Variants in TULP4 observed in about 807,000 individuals in gnomAD.
TULP4 encodes TUB like protein 4, also known as tubby-related protein 4.
Under a neutral mutation model 129.0 loss-of-function variants are expected in TULP4, and 16 were observed. The observed-to-expected ratio is 0.12, with a 90% confidence interval of 0.08 to 0.19. TULP4 has a LOEUF of 0.19. Ranked by LOEUF, TULP4 falls within the 10% of genes least tolerant of loss-of-function variation. The probability of loss-of-function intolerance (pLI) is 1.00; values close to 1 mark genes in which losing one functional copy is unlikely to be tolerated. For synonymous variants in TULP4, 998 were observed against 854.0 expected (o/e 1.17, Z -2.94); for missense variants, 1,842 against 2,059.1 (o/e 0.89, Z 2.04).
chr6:158,358,269 C>T (rs955162343), intron 1 of TULP4, among the ~76,000 whole-genome samples: 3 of 152,178 alleles, frequency 2.0e-5, no homozygotes, highest in Non-Finnish European at 4.4e-5. Context: ...AATGAAACAG[C>T]TCTGTGAACT....
rs567829012 is a variant in TULP4, at chr6:158,402,256, C to G, written c.253-10809C>G. Among the ~76,000 whole-genome samples, 20 of 152,296 alleles carry G rather than the reference C, an allele frequency of 1.3e-4. 1 individual carries two copies. In the South Asian group the frequency reaches 4.1e-3, roughly 32 times the overall value. ...CCCACACCCTACTCCCACCCCTTCC[C>G]CACCCCTCAGTTACCCTTCAGCTTT... On this transcript the variant is annotated intron_variant, in intron 1 of 13. Transcript: ENST00000367097.
intron 13 of TULP4, among the ~76,000 whole-genome samples, chr6:158,504,909 C>T (rs1780563827): frequency 6.6e-6 from 1 of 152,240 alleles, no homozygotes; most frequent in Non-Finnish European, 1.5e-5. Context: ...CCTATGCACA[C>T]ACACACATGT....
intron 1 of TULP4, among the ~76,000 whole-genome samples, chr6:158,287,240 T>TG (rs1778848875): frequency 6.6e-6 from 1 of 152,210 alleles, no homozygotes; most frequent in African/African-American, 2.4e-5. Flanking sequence ...AGCATTTGCG[T>TG]GGCCAGACAT....
intron 2 of TULP4, among the ~76,000 whole-genome samples, chr6:158,423,510 T>C (rs529850919): frequency 6.6e-6 from 1 of 152,370 alleles, no homozygotes; most frequent in African/African-American, 2.4e-5. Flanking sequence ...TTGATCATTA[T>C]ACTATGTATT....
chr6:158,282,423 T>A (rs950283359), intron 1 of TULP4: 10 of 152,120 alleles, frequency 6.6e-5, no homozygotes, highest in African/African-American at 2.4e-4. Context: ...AAGAACTAGA[T>A]GATATAAATC....
chr6:158,379,807 C>A (rs1006956399), intron 1 of TULP4, among the ~76,000 whole-genome samples: 2 of 152,142 alleles, frequency 1.3e-5, no homozygotes, highest in Non-Finnish European at 2.9e-5. Flanking sequence ...CTGCTTTGAA[C>A]TTGTGAAGTT....
chr6:158,413,054 T>G lies in TULP4; in HGVS notation c.253-11T>G. 2 of 1,603,688 alleles carry G rather than the reference T, an allele frequency of 1.2e-6. No homozygotes were observed. Among genetic ancestry groups the G allele is most frequent in the Non-Finnish European group, 1.7e-6 (2 of 1,174,294 alleles). ...TTTCCTGTGGTAAATGTCTTCTTGGTGGTTTTCTAGGTTGTGCTGGTGAGG... is the reference window on the plus strand; with the variant it reads ...TTTCCTGTGGTAAATGTCTTCTTGGGGGTTTTCTAGGTTGTGCTGGTGAGG... On this transcript the variant is annotated splice_polypyrimidine_tract_variant and intron_variant, in intron 1 of 13. Transcript: ENST00000367097. This position sits in a 1 kb window ranked among gnomAD's most constrained non-coding sequence, Gnocchi z 4.9.
chr6:158,316,530 G>A (rs1438974356), intron 1 of TULP4, among the ~76,000 whole-genome samples: 1 of 152,034 alleles, frequency 6.6e-6, no homozygotes, highest in African/African-American at 2.4e-5. Context: ...AATATATTGG[G>A]CATATACATA....
At chr6:158,426,844 A>G (rs1473480903) in intron 2 of TULP4, among the ~76,000 whole-genome samples, 7 of 152,254 alleles carry the variant, frequency 4.6e-5, no homozygotes, top group South Asian at 2.1e-4. Context: ...GATTCTTCCT[A>G]TCCGTGAGCA....
chr6:158,265,931 C>T (rs553973289), intron 1 of TULP4, among the ~76,000 whole-genome samples: 3 of 152,236 alleles, frequency 2.0e-5, no homozygotes, highest in Admixed American at 6.5e-5. Context: ...GAGGGAGCTT[C>T]GTGGTTATAG....
chr6:158,294,382 A>AT (rs1778994924), intron 1 of TULP4, among the ~76,000 whole-genome samples: 1 of 151,630 alleles, frequency 6.6e-6, no homozygotes, highest in Non-Finnish European at 1.5e-5. Flanking sequence ...AATAAAAAAA[A>AT]AAATAAATAA....
chr6:158,363,658 G>T (rs1477589345), intron 1 of TULP4, among the ~76,000 whole-genome samples: 2 of 152,006 alleles, frequency 1.3e-5, no homozygotes, highest in African/African-American at 4.8e-5. Context: ...TATTTTTTTT[G>T]TATTTTTAGT....
chr6:158,502,260 A>G lies in TULP4; in HGVS notation c.2597A>G (p.Lys866Arg). ...CAGCCCCCAGTGGATGTGTGCTTGAAGAAGGGCGACTTCTCCCTCTACCCC... is the reference window on the plus strand; with the variant it reads ...CAGCCCCCAGTGGATGTGTGCTTGAGGAAGGGCGACTTCTCCCTCTACCCC... ...PPQPPVDVCLKKGDFSLYPTS... is the reference protein window; with the variant it reads ...PPQPPVDVCLRKGDFSLYPTS... The change falls in exon 13 of 14, where the codon AAG (lysine) becomes AGG (arginine). Residue 866 changes from lysine (K) to arginine (R), a missense_variant. Lys to Arg is a conservative substitution (Grantham distance 26, BLOSUM62 2). Around this residue, in one of 5 missense-constraint regions of TULP4, gnomAD observed 1,089 missense variants for 987.1 expected, o/e 1.10. Coordinates refer to ENST00000367097, the MANE Select transcript of TULP4 (RefSeq NM_020245.5). 1 of 1,599,806 alleles carries G rather than the reference A, an allele frequency of 6.3e-7. No homozygotes were observed. The highest frequency in any genetic ancestry group is 8.5e-7 in the Non-Finnish European group (1 of 1,172,184).
At chr6:158,298,042 A>G (rs978372771) in intron 1 of TULP4, among the ~76,000 whole-genome samples, 1 of 152,150 alleles carries the variant, frequency 6.6e-6, no homozygotes, top group African/African-American at 2.4e-5. Flanking sequence ...CCTTGCTAGG[A>G]AAATAATTTA....
intron 3 of TULP4, among the ~76,000 whole-genome samples, chr6:158,440,901 G>GT (rs1778880794): frequency 1.3e-5 from 2 of 152,234 alleles, no homozygotes; most frequent in South Asian, 4.1e-4. Context: ...TGACATGACA[G>GT]TTAAGATGTC....
Position 158,502,223 on chromosome 6 carries a change from C to G in TULP4, c.2560C>G (p.Leu854Val). The G allele has an allele frequency of 6.5e-7, 1 of 1,545,182 alleles. No homozygotes were observed. Among genetic ancestry groups the G allele is most frequent in the Non-Finnish European group, 8.8e-7 (1 of 1,135,478 alleles). The change falls in exon 13 of 14, where the codon CTG becomes GTG. Residue 854 changes from leucine to valine, a missense_variant. Around this residue, in one of 5 missense-constraint regions of TULP4, gnomAD observed 1,089 missense variants for 987.1 expected, o/e 1.10. Coordinates refer to ENST00000367097, the MANE Select transcript of TULP4 (RefSeq NM_020245.5). Reference sequence around the variant, plus strand: ...CACCACAGCAGCACCCCCGCCCCCTCTGCCGCCCCCACAGCCCCCAGTGGA... The same window carrying G: ...CACCACAGCAGCACCCCCGCCCCCTGTGCCGCCCCCACAGCCCCCAGTGGA... ...APTTAAPPPPLPPPQPPVDVC... is the reference protein window; with the variant it reads ...APTTAAPPPPVPPPQPPVDVC...
rs2128482593 is a variant in TULP4 at position 158,312,709 on chromosome 6, A to G, written c.-1308A>G. 1 of 152,310 alleles carries G rather than the reference A, an allele frequency of 6.6e-6. No homozygotes were observed. Among genetic ancestry groups the G allele is most frequent in the Admixed American group, 6.5e-5 (1 of 15,300 alleles). The allele number at this position is 152,310 out of a possible 1,614,324, so 9.4% of individuals were successfully genotyped here. A position where few individuals can be genotyped will look rare whatever the true frequency, so the allele number is the denominator to read the frequency against. On this transcript the variant is annotated 5_prime_UTR_variant, in exon 1 of 14. Transcript: ENST00000367097. ...CCTTTTTTCCTGCATCTATAGGATA[A>G]TATTGTAAAATAGCAATTGAAACCA...
intron 1 of TULP4, among the ~76,000 whole-genome samples, chr6:158,288,704 G>A (rs937467256): frequency 6.6e-6 from 1 of 152,054 alleles, no homozygotes; most frequent in Non-Finnish European, 1.5e-5. Flanking sequence ...GTTTCACCGT[G>A]TTAGCCAGGA....
intron 1 of TULP4, chr6:158,242,452 A>G (rs546700896): frequency 5.0e-6 from 5 of 999,504 alleles, no homozygotes; most frequent in African/African-American, 3.2e-5. Flanking sequence ...CATTCATCAT[A>G]GTGTTCCAAA....
Sources: gnomAD v4.1 joint callset for allele counts (sites outside exome capture counted in the v4.1 genomes callset) on GRCh38, gnomAD v4.1.1 for gene constraint, gnomAD v4.1.1 regional missense constraint, Gnocchi (gnomAD v3.1) non-coding constraint, MANE v1.5 for transcripts, NCBI Gene and HGNC (gene_info 2026-07-23, HGNC 2026-07-21) for gene names.